FGF14: variants seen among roughly 807,000 people sequenced by gnomAD.
The protein encoded by FGF14 is fibroblast growth factor homologous factor 4.
Under a neutral mutation model 25.5 loss-of-function variants are expected in FGF14, and 5 were observed. The ratio of observed to expected loss-of-function variants is 0.20; its 90% CI spans 0.10 to 0.41. FGF14 has a LOEUF of 0.41. Ranked by LOEUF, FGF14 falls within the 10% of genes least tolerant of loss-of-function variation. The probability of loss-of-function intolerance (pLI) is 1.00; values close to 1 mark genes in which losing one functional copy is unlikely to be tolerated. For missense variants in FGF14, 222 were observed against 320.1 expected (o/e 0.69, Z 2.34); for synonymous variants, 138 against 118.3 (o/e 1.17, Z -1.08).
In FGF14 at chr13:102,361,990, C is replaced by G. The variant is rs139453858; in HGVS notation, c.208+39481G>C. ...GTCTCTTGGTATCATGTCCTCTTCT[C>G]AATTTCCATGGCCACTGCCTTGGTT... is the stretch of plus-strand genomic sequence containing the variant. On this transcript the variant is annotated intron_variant, in intron 1 of 4. Transcript: ENST00000376131. Among the ~76,000 whole-genome samples, 834 of 152,226 alleles carry G rather than the reference C, an allele frequency of 5.5e-3. 6 individuals are homozygous for G. The highest frequency in any genetic ancestry group is 0.019 in the African/African-American group (783 of 41,536).
At position 102,370,717 on chromosome 13, in the gene FGF14, C is replaced by T. The variant is rs112775733; in HGVS notation, c.208+30754G>A. Among the ~76,000 whole-genome samples, 1,215 of 151,950 alleles carry T rather than the reference C, an allele frequency of 8.0e-3. 13 individuals are homozygous for T. The highest frequency in any genetic ancestry group is 0.028 in the African/African-American group (1,153 of 41,414). On this transcript the variant is annotated intron_variant, in intron 1 of 4. Coordinates refer to the FGF14 transcript ENST00000376131. Reference sequence around the variant, plus strand: ...GTGCATCCTGTTATTCTTATAATACCGACTAGATTTGTCAAAATAATAATG... The same window carrying T: ...GTGCATCCTGTTATTCTTATAATACTGACTAGATTTGTCAAAATAATAATG...
At chr13:101,820,778 C>CACACACACACA (rs1408960886) in intron 3 of FGF14, among the ~76,000 whole-genome samples, 1 of 28,496 alleles carries the variant, frequency 3.5e-5, no homozygotes, top group Non-Finnish European at 1.1e-4. Context: ...ACACCACACA[C>CACACACACACA]CACACACACA....
At chr13:102,373,892 G>T (rs1459875136) in intron 1 of FGF14, among the ~76,000 whole-genome samples, 1 of 152,040 alleles carries the variant, frequency 6.6e-6, no homozygotes, top group African/African-American at 2.4e-5. Context: ...CAATGCTTAG[G>T]TCTCACCCCT....
At chr13:101,886,818 A>T (rs2046011859) in intron 1 of FGF14, among the ~76,000 whole-genome samples, 1 of 152,204 alleles carries the variant, frequency 6.6e-6, no homozygotes, top group Admixed American at 6.6e-5. Flanking sequence ...AATAACCAGA[A>T]TATATAAGAA....
Position 102,371,472 on chromosome 13 carries a change from C to A in FGF14, c.208+29999G>T, listed in dbSNP as rs1286390490. ...TTCTATTCATCCTAGAAAATCCAGT[C>A]TAAATGTCCCTTCTCCAGTGAAACC... On this transcript the variant is annotated intron_variant, in intron 1 of 4. Transcript: ENST00000376131. Among the ~76,000 whole-genome samples the A allele has an allele frequency of 2.0e-5, 3 of 152,174 alleles. No individual in the cohort carries two copies. In the East Asian group the frequency reaches 5.8e-4, roughly 29 times the overall value.
At chr13:102,291,824 G>T (rs2054415895) in intron 1 of FGF14, among the ~76,000 whole-genome samples, 1 of 152,066 alleles carries the variant, frequency 6.6e-6, no homozygotes, top group African/African-American at 2.4e-5. Flanking sequence ...CAATGCTCTG[G>T]TTTTTACCAC....
intron 1 of FGF14, among the ~76,000 whole-genome samples, chr13:102,090,138 G>T (rs1240152752): frequency 1.3e-5 from 2 of 152,136 alleles, no homozygotes; most frequent in East Asian, 3.8e-4. Flanking sequence ...AATTATCATT[G>T]CAACAAAAAT....
At chr13:102,230,062 T>C (rs752214566) in intron 1 of FGF14, among the ~76,000 whole-genome samples, 6 of 152,114 alleles carry the variant, frequency 3.9e-5, no homozygotes, top group African/African-American at 1.4e-4. Context: ...GAGGTGGGAA[T>C]TTGGGGAGGA....
At chr13:102,364,550 G>T (rs1160186438) in intron 1 of FGF14, among the ~76,000 whole-genome samples, 1 of 152,118 alleles carries the variant, frequency 6.6e-6, no homozygotes, top group Admixed American at 6.6e-5. Flanking sequence ...GAGAAAAAAG[G>T]AATTATGGCA....
chr13:101,890,673 C>T (rs1276591553), intron 1 of FGF14, among the ~76,000 whole-genome samples: 2 of 152,166 alleles, frequency 1.3e-5, no homozygotes, highest in Non-Finnish European at 2.9e-5. Context: ...CGCTTCTGTA[C>T]GTTCATGGAA....
intron 3 of FGF14, among the ~76,000 whole-genome samples, chr13:101,796,531 G>T (rs1287116330): frequency 6.6e-6 from 1 of 151,924 alleles, no homozygotes; most frequent in Non-Finnish European, 1.5e-5. Context: ...TACCACTTCA[G>T]AGTACAACTG....
chr13:102,057,397 C>T (rs1341983518), intron 1 of FGF14, among the ~76,000 whole-genome samples: 4 of 152,088 alleles, frequency 2.6e-5, no homozygotes, highest in East Asian at 3.9e-4. Flanking sequence ...TAGCTCTTTA[C>T]GTGTATGGAA....
intron 1 of FGF14, among the ~76,000 whole-genome samples, chr13:102,194,730 A>G (rs1220937005): frequency 1.3e-5 from 2 of 152,222 alleles, no homozygotes; most frequent in African/African-American, 4.8e-5. Context: ...TTTCATTTGA[A>G]AATCATTAAA....
chr13:102,346,926 A>G (rs1410511672), intron 1 of FGF14, among the ~76,000 whole-genome samples: 1 of 152,184 alleles, frequency 6.6e-6, no homozygotes, highest in East Asian at 1.9e-4. Flanking sequence ...GAACAGCCAT[A>G]TTCTAATGGA....
intron 1 of FGF14, among the ~76,000 whole-genome samples, chr13:102,007,529 A>G (rs1594969401): frequency 6.6e-6 from 1 of 152,224 alleles, no homozygotes; most frequent in East Asian, 1.9e-4. Flanking sequence ...CAAAGCATGA[A>G]TCAAGACTGG....
At chr13:102,180,206 T>C (rs935878003) in intron 1 of FGF14, among the ~76,000 whole-genome samples, 1 of 152,230 alleles carries the variant, frequency 6.6e-6, no homozygotes, top group African/African-American at 2.4e-5. Flanking sequence ...TGCTATTCTG[T>C]TGACAGTATG....
At chr13:101,723,948 G>GA (rs1199985204) in intron 4 of FGF14, among the ~76,000 whole-genome samples, 1 of 152,048 alleles carries the variant, frequency 6.6e-6, no homozygotes, top group Admixed American at 6.6e-5. Context: ...TAGTTAAGAT[G>GA]AACTACCATA....
At chr13:102,023,423 AT>A (rs1220806383) in intron 1 of FGF14, among the ~76,000 whole-genome samples, 1 of 152,050 alleles carries the variant, frequency 6.6e-6, no homozygotes, top group African/African-American at 2.4e-5. Context: ...TTAATAAATT[AT>A]TTTTATAACA....
At chr13:101,894,323 CTTTA>C (rs1478816364) in intron 1 of FGF14, among the ~76,000 whole-genome samples, 1 of 152,140 alleles carries the variant, frequency 6.6e-6, no homozygotes, top group Non-Finnish European at 1.5e-5. Flanking sequence ...TGTCATGATA[CTTTA>C]TTTAGCTTGC....
Sources: gnomAD v4.1 joint callset for allele counts (sites outside exome capture counted in the v4.1 genomes callset) on GRCh38, gnomAD v4.1.1 for gene constraint, MANE v1.5 for transcripts, NCBI Gene and HGNC (gene_info 2026-07-23, HGNC 2026-07-21) for gene names.